TGFBR3: variants seen among roughly 807,000 people sequenced by gnomAD.
The protein encoded by TGFBR3 is transforming growth factor beta receptor type 3.
TGFBR3 carries 46 observed loss-of-function variants against 87.9 expected under a neutral mutation model. That is an observed-to-expected ratio of 0.52 (90% CI 0.41 to 0.67). The LOEUF (loss-of-function observed/expected upper bound fraction) is 0.67. Ranked by LOEUF, TGFBR3 falls within the 30% of genes least tolerant of loss-of-function variation. The pLI is 0.00. For synonymous variants in TGFBR3, 381 were observed against 391.6 expected, an observed-to-expected ratio of 0.97 and a Z score of 0.32; for missense variants, 866 against 1,041.9, an observed-to-expected ratio of 0.83 and a Z score of 2.32.
chr1:91,796,749 T>C (rs11466573), intron 3 of TGFBR3, among the ~76,000 whole-genome samples: 79,309 of 152,040 alleles, frequency 0.52, 20,888 homozygotes, highest in Middle Eastern at 0.63. Flanking sequence ...AACAGGGTTC[T>C]GCTCTATCTC....
Position 91,836,266 on chromosome 1 carries a change from A to C in TGFBR3, c.61+25205T>G, listed in dbSNP as rs369527106. On this transcript the variant is annotated intron_variant, in intron 2 of 16. Transcript: ENST00000212355. ...CCATCTCAAGGAAAATAAACAAATA[A>C]ATAAATTTTAAAAAAAATTCAGATG... Among the ~76,000 whole-genome samples the C allele has an allele frequency of 4.9e-4, 74 of 152,254 alleles. 1 individual carries two copies. The highest frequency in any genetic ancestry group is 9.8e-4 in the Admixed American group (15 of 15,284).
chr1:91,693,929 T>C (rs548782681), intron 16 of TGFBR3, among the ~76,000 whole-genome samples: 1 of 152,242 alleles, frequency 6.6e-6, no homozygotes, highest in South Asian at 2.1e-4. Flanking sequence ...GGTCCTTTTA[T>C]AAACTGTTCA....
chr1:91,811,131 T>G (rs1389623412), intron 2 of TGFBR3, among the ~76,000 whole-genome samples: 1 of 151,882 alleles, frequency 6.6e-6, no homozygotes, highest in Non-Finnish European at 1.5e-5. Flanking sequence ...GGCAAGAGAG[T>G]GAGACCTCAT....
At chr1:91,805,766 T>A (rs1479166752) in intron 2 of TGFBR3, among the ~76,000 whole-genome samples, 1 of 152,216 alleles carries the variant, frequency 6.6e-6, no homozygotes, top group Non-Finnish European at 1.5e-5. Flanking sequence ...GGGCCACACA[T>A]CTTGTACATG....
At chr1:91,834,229 A>C (rs1676973348) in intron 2 of TGFBR3, among the ~76,000 whole-genome samples, 1 of 152,200 alleles carries the variant, frequency 6.6e-6, no homozygotes, top group Non-Finnish European at 1.5e-5. Context: ...GGCTGATTTT[A>C]AAATCCAATT....
At position 91,722,004 on chromosome 1, in the gene TGFBR3, G is replaced by A. The variant is rs1672384850; in HGVS notation, c.1026C>T (p.Tyr342=). The A allele has an allele frequency of 6.2e-7, 1 of 1,613,560 alleles. No individual in the cohort carries two copies. Among genetic ancestry groups the A allele is most frequent in the Non-Finnish European group, 8.5e-7 (1 of 1,179,796 alleles). ...LDNGYSPITS[Y]TMAPVANRFH... is the part of the protein sequence containing the mutation. ...ATCTATTAGCCACAGGAGCCATTGT[G>A]TATGAAGTTATTGGACTATAGCCAT... The change falls in exon 8 of 17, where the codon TAC becomes TAT. Residue 342 remains tyrosine (Y), a synonymous_variant. Coordinates refer to ENST00000212355, the MANE Select transcript of TGFBR3 (RefSeq NM_003243.5).
chr1:91,756,718 G>A (rs284175), intron 4 of TGFBR3, among the ~76,000 whole-genome samples: 86,274 of 151,968 alleles, frequency 0.57, 24,905 homozygotes, highest in South Asian at 0.63. Context: ...CCTTGTAAAT[G>A]TACCTTTTGA....
upstream of TGFBR3, among the ~76,000 whole-genome samples, chr1:91,890,568 C>T (rs544678682): frequency 4.6e-5 from 7 of 151,742 alleles, no homozygotes; most frequent in South Asian, 2.1e-4. Context: ...TAAAGGCACA[C>T]GCCACCACGC....
At chr1:91,790,917 C>T (rs1281742423) in intron 3 of TGFBR3, among the ~76,000 whole-genome samples, 1 of 152,096 alleles carries the variant, frequency 6.6e-6, no homozygotes, top group Non-Finnish European at 1.5e-5. Flanking sequence ...CCTCCCCAAG[C>T]ACTGTATTAT....
intron 2 of TGFBR3, among the ~76,000 whole-genome samples, chr1:91,802,713 T>C (rs1300587670): frequency 2.6e-5 from 4 of 152,158 alleles, no homozygotes; most frequent in Non-Finnish European, 5.9e-5. Flanking sequence ...TCCTTCACCA[T>C]CTACTTTTGT....
intron 2 of TGFBR3, among the ~76,000 whole-genome samples, chr1:91,895,643 G>A (rs1679537750): frequency 6.6e-6 from 1 of 152,020 alleles, no homozygotes; most frequent in South Asian, 2.1e-4. Context: ...ACTAATACAA[G>A]ACCCATTTCT....
At chr1:91,853,965 T>C (rs1326625629) in intron 2 of TGFBR3, among the ~76,000 whole-genome samples, 1 of 152,028 alleles carries the variant, frequency 6.6e-6, no homozygotes, top group Non-Finnish European at 1.5e-5. Flanking sequence ...GCTGAGATCA[T>C]GCTACTGCAC....
chr1:91,796,883 ATT>A (rs1202245796), intron 3 of TGFBR3, among the ~76,000 whole-genome samples: 2 of 144,046 alleles, frequency 1.4e-5, no homozygotes, highest in Non-Finnish European at 1.5e-5. Context: ...CACCCTGCTA[ATT>A]TTTTTTTTTT....
At chr1:91,878,850 C>T (rs1037015054) in intron 1 of TGFBR3, among the ~76,000 whole-genome samples, 19 of 152,200 alleles carry the variant, frequency 1.2e-4, no homozygotes, top group African/African-American at 4.6e-4. Context: ...ACACCCAACT[C>T]CAAAGGCCCC....
intron 4 of TGFBR3, among the ~76,000 whole-genome samples, chr1:91,735,279 A>G (rs1672926095): frequency 6.6e-6 from 1 of 152,216 alleles, no homozygotes; most frequent in African/African-American, 2.4e-5. Context: ...CAATCTTACA[A>G]TGAATGTATT....
chr1:91,894,297 T>TG lies in TGFBR3; in HGVS notation c.-114+5339dup, dbSNP rs147692180. ...TCCTGTAGTAATTCCCTCTTGCAAT[T>TG]GCAGCCTCAGATTTCTTTCTTTCCT... On this transcript the variant is annotated intron_variant, in intron 2 of 17. Coordinates refer to the TGFBR3 transcript ENST00000370399. 3.5e-3 allele frequency among the ~76,000 whole-genome samples: 534 copies of TG among 152,330 alleles called. 5 individuals carry two copies. The highest frequency in any genetic ancestry group is 0.012 in the African/African-American group (502 of 41,572).
intron 2 of TGFBR3, among the ~76,000 whole-genome samples, chr1:91,836,983 C>T (rs1027109202): frequency 3.9e-5 from 6 of 152,184 alleles, no homozygotes; most frequent in South Asian, 4.1e-4. Flanking sequence ...ATACTTAACA[C>T]GACAAGATAC....
In TGFBR3 at chr1:91,820,911, T is replaced by C. The variant is rs181873649; in HGVS notation, c.62-23440A>G. Among the ~76,000 whole-genome samples, 264 of 152,302 alleles carry C rather than the reference T, an allele frequency of 1.7e-3. 2 individuals are homozygous for C. In the Middle Eastern group the frequency reaches 0.034, roughly 20 times the overall value. ...AGGATTAAATGGATAACTCTAACTA[T>C]AAATGGTTCTTACCTAAGGTAGGGG... On this transcript the variant is annotated intron_variant, in intron 2 of 16. Transcript: ENST00000212355.
At chr1:91,860,560 A>T (rs1330083942) in intron 2 of TGFBR3, among the ~76,000 whole-genome samples, 1 of 152,174 alleles carries the variant, frequency 6.6e-6, no homozygotes, top group Non-Finnish European at 1.5e-5. Context: ...GTGGTGTGGG[A>T]GATCCGATAC....
Sources: allele counts gnomAD v4.1 joint callset (sites outside exome capture counted in the v4.1 genomes callset), GRCh38; gene constraint gnomAD v4.1.1; transcripts MANE v1.5; gene names NCBI Gene and HGNC (gene_info 2026-07-23, HGNC 2026-07-21).